PRKN: variants seen among roughly 807,000 people sequenced by gnomAD.
PRKN encodes parkin RBR E3 ubiquitin protein ligase.
A neutral mutation model predicts 59.5 loss-of-function variants in PRKN; 56 were observed. The ratio of observed to expected loss-of-function variants is 0.94; its 90% CI spans 0.76 to 1.18. The LOEUF is 1.18. Ranked by LOEUF, PRKN falls within the 50% of genes most tolerant of loss-of-function variation. The pLI is 0.00. For missense variants in PRKN, 657 were observed against 596.4 expected (o/e 1.10, Z -1.06); for synonymous variants, 250 against 222.1 (o/e 1.13, Z -1.12).
intron 4 of PRKN, among the ~76,000 whole-genome samples, chr6:162,106,526 C>A (rs1780201785): frequency 6.6e-6 from 1 of 151,684 alleles, no homozygotes. Flanking sequence ...TCATTAATAT[C>A]TATTTTTAAA....
chr6:162,089,688 A>G (rs1284313335), intron 4 of PRKN, among the ~76,000 whole-genome samples: 1 of 152,244 alleles, frequency 6.6e-6, no homozygotes, highest in Admixed American at 6.5e-5. Flanking sequence ...TATTCATACA[A>G]TGGAATATTA....
At chr6:161,603,371 C>T (rs1171077281) in intron 7 of PRKN, among the ~76,000 whole-genome samples, 8 of 152,188 alleles carry the variant, frequency 5.3e-5, no homozygotes, top group South Asian at 2.1e-4. Context: ...CCATGGGAAT[C>T]GTCCAAATAA....
intron 9 of PRKN, among the ~76,000 whole-genome samples, chr6:161,524,930 T>C (rs192376991): frequency 2.6e-5 from 4 of 152,228 alleles, no homozygotes; most frequent in Non-Finnish European, 5.9e-5. Context: ...CTTGCATCCG[T>C]TTGATGTAGG....
intron 9 of PRKN, among the ~76,000 whole-genome samples, chr6:161,537,451 T>C (rs1342074861): frequency 6.6e-6 from 1 of 151,998 alleles, no homozygotes; most frequent in African/African-American, 2.4e-5. Context: ...TTTTTTCTTT[T>C]CTTTTTTCTT....
At chr6:162,579,278 C>A (rs1185863313) in intron 1 of PRKN, among the ~76,000 whole-genome samples, 1 of 152,102 alleles carries the variant, frequency 6.6e-6, no homozygotes, top group Non-Finnish European at 1.5e-5. Flanking sequence ...CTTTTATCTT[C>A]CATGCCCAGC....
chr6:161,822,492 A>G (rs1052817251), intron 6 of PRKN, among the ~76,000 whole-genome samples: 3 of 152,200 alleles, frequency 2.0e-5, no homozygotes, highest in African/African-American at 7.2e-5. Flanking sequence ...CCTGGCCAAC[A>G]TGGCGAAACC....
chr6:161,576,626 A>G lies in PRKN; in HGVS notation c.872-7210T>C, dbSNP rs1355911288. Among the ~76,000 whole-genome samples the G allele has an allele frequency of 6.6e-6, 1 of 152,234 alleles. No homozygotes were observed. Among genetic ancestry groups the G allele is most frequent in the African/African-American group, 2.4e-5 (1 of 41,472 alleles). ...AAAACAGACAAAAATCCCTCATTGG[A>G]GCTTGCATTCTAAAGGGGCGAGAGA... On this transcript the variant is annotated intron_variant, in intron 7 of 11. Coordinates refer to ENST00000366898, the MANE Select transcript of PRKN (RefSeq NM_004562.3). The surrounding 1 kb of genome is among the most constrained non-coding windows in gnomAD (Gnocchi z 4.6).
At chr6:162,437,358 T>C (rs1789828011) in intron 2 of PRKN, among the ~76,000 whole-genome samples, 1 of 152,188 alleles carries the variant, frequency 6.6e-6, no homozygotes, top group Non-Finnish European at 1.5e-5. Flanking sequence ...CTAGGTTTTT[T>C]TTAAATTCAA....
chr6:162,539,444 C>T (rs1778839781), intron 1 of PRKN, among the ~76,000 whole-genome samples: 1 of 152,120 alleles, frequency 6.6e-6, no homozygotes, highest in Non-Finnish European at 1.5e-5. Context: ...ATGTCCTTGT[C>T]ATTTTTTCTC....
intron 4 of PRKN, among the ~76,000 whole-genome samples, chr6:162,070,813 G>A (rs1439255802): frequency 2.0e-5 from 3 of 152,094 alleles, no homozygotes; most frequent in Non-Finnish European, 4.4e-5. Flanking sequence ...GGTGGAGCTC[G>A]GGCTGTAATG....
At chr6:161,609,989 T>C (rs1426405452) in intron 7 of PRKN, among the ~76,000 whole-genome samples, 1 of 152,218 alleles carries the variant, frequency 6.6e-6, no homozygotes, top group East Asian at 1.9e-4. Flanking sequence ...TTTAAGGTCA[T>C]CATTTGATTC....
chr6:161,730,725 G>A (rs1210381503), intron 7 of PRKN, among the ~76,000 whole-genome samples: 1 of 151,698 alleles, frequency 6.6e-6, no homozygotes, highest in Non-Finnish European at 1.5e-5. Flanking sequence ...GCATTCTGAA[G>A]TGTTGCATTC....
chr6:162,330,545 A>T (rs1783523243), intron 2 of PRKN, among the ~76,000 whole-genome samples: 1 of 152,176 alleles, frequency 6.6e-6, no homozygotes, highest in African/African-American at 2.4e-5. Context: ...CACTCAGGGC[A>T]TCCGTTGTTC....
chr6:162,509,362 C>T (rs1381930214), intron 1 of PRKN, among the ~76,000 whole-genome samples: 1 of 152,174 alleles, frequency 6.6e-6, no homozygotes, highest in African/African-American at 2.4e-5. Flanking sequence ...ACATTTCTTA[C>T]AGGCAATCCA....
intron 2 of PRKN, among the ~76,000 whole-genome samples, chr6:162,442,673 T>A (rs979561272): frequency 2.0e-5 from 3 of 152,172 alleles, no homozygotes; most frequent in Admixed American, 1.3e-4. Context: ...ACTTATTACG[T>A]TGCAGGGGCC....
chr6:162,416,738 T>C (rs1350430699), intron 2 of PRKN, among the ~76,000 whole-genome samples: 1 of 152,172 alleles, frequency 6.6e-6, no homozygotes, highest in African/African-American at 2.4e-5. Context: ...TGACACGTGA[T>C]TGGGGACAGA....
chr6:162,462,085 G>A (rs1474931340), intron 1 of PRKN, among the ~76,000 whole-genome samples: 1 of 152,182 alleles, frequency 6.6e-6, no homozygotes, highest in African/African-American at 2.4e-5. Flanking sequence ...AGAGCAGGCA[G>A]AGTCTTATAT....
intron 3 of PRKN, among the ~76,000 whole-genome samples, chr6:162,246,438 A>G (rs1178221024): frequency 6.6e-6 from 1 of 152,166 alleles, no homozygotes; most frequent in Non-Finnish European, 1.5e-5. Flanking sequence ...GTTGTTGAAG[A>G]AAAATAAATA....
At chr6:161,658,015 CAAAAAA>C (rs60685690) in intron 7 of PRKN, among the ~76,000 whole-genome samples, 2 of 61,880 alleles carry the variant, frequency 3.2e-5, no homozygotes, top group African/African-American at 1.1e-4. Flanking sequence ...GACTCTGTCT[CAAAAAA>C]AAAAAAAAAA....
Sources: gnomAD v4.1 joint callset for allele counts (sites outside exome capture counted in the v4.1 genomes callset) on GRCh38, gnomAD v4.1.1 for gene constraint, Gnocchi (gnomAD v3.1) non-coding constraint, MANE v1.5 for transcripts, NCBI Gene and HGNC (gene_info 2026-07-23, HGNC 2026-07-21) for gene names.